APBB2: variants seen among roughly 807,000 people sequenced by gnomAD.
The protein encoded by APBB2 is amyloid beta precursor protein binding family B member 2, also known as Fe65-like 1.
In APBB2, 38 loss-of-function variants were observed where a neutral mutation model predicts 82.5. That is an observed-to-expected ratio of 0.46 (90% confidence interval 0.36 to 0.60). The LOEUF (loss-of-function observed/expected upper bound fraction) is 0.60, where lower values mean the gene tolerates loss of function less well. APBB2 is among the 20% of genes least tolerant of loss of function. The probability of loss-of-function intolerance (pLI) is 0.00; values close to 1 mark genes in which losing one functional copy is unlikely to be tolerated. For synonymous variants in APBB2, 341 were observed against 368.2 expected, an observed-to-expected ratio of 0.93 and a Z score of 0.85; for missense variants, 772 against 972.3, an observed-to-expected ratio of 0.79 and a Z score of 2.74.
chr4:41,039,476 A>C (rs1720516103), intron 4 of APBB2, among the ~76,000 whole-genome samples: 1 of 152,230 alleles, frequency 6.6e-6, no homozygotes, highest in Admixed American at 6.5e-5. Flanking sequence ...TGTGGTAACC[A>C]TCGATCTGAC....
intron 3 of APBB2, among the ~76,000 whole-genome samples, chr4:41,096,437 C>T (rs553646566): frequency 6.6e-6 from 1 of 152,194 alleles, no homozygotes; most frequent in East Asian, 1.9e-4. Context: ...GGGCAAAATA[C>T]CAAGAAATCT....
At chr4:40,890,589 G>A in intron 11 of APBB2, 98 bp from the exon 12 acceptor site, 2 of 1,513,914 alleles carry the variant, frequency 1.3e-6, no homozygotes, top group Non-Finnish European at 1.8e-6. Context: ...ACCATCAGAA[G>A]AAGCCACCCT....
intron 10 of APBB2, among the ~76,000 whole-genome samples, chr4:40,920,567 C>T (rs1045454722): frequency 6.6e-6 from 1 of 152,176 alleles, no homozygotes; most frequent in African/African-American, 2.4e-5. Context: ...CAAATGCAGG[C>T]TTTAAAGGGC....
chr4:40,923,254 C>T (rs1035384685), intron 10 of APBB2, among the ~76,000 whole-genome samples: 5 of 152,244 alleles, frequency 3.3e-5, no homozygotes, highest in Non-Finnish European at 7.3e-5. Flanking sequence ...GGATTACAGG[C>T]GTGAGCCACG....
intron 1 of APBB2, among the ~76,000 whole-genome samples, chr4:41,202,724 G>A (rs1447025604): frequency 6.6e-6 from 1 of 152,128 alleles, no homozygotes; most frequent in Non-Finnish European, 1.5e-5. Context: ...CAATACTAAC[G>A]TAAAATAAAT....
chr4:40,846,642 A>G (rs902331018), intron 12 of APBB2, among the ~76,000 whole-genome samples: 17 of 152,180 alleles, frequency 1.1e-4, no homozygotes, highest in African/African-American at 4.1e-4. Context: ...CTCCCACCTC[A>G]CTGTCCTGCC....
At chr4:41,124,731 T>C (rs534802492) in intron 2 of APBB2, among the ~76,000 whole-genome samples, 20 of 152,338 alleles carry the variant, frequency 1.3e-4, no homozygotes, top group African/African-American at 3.6e-4. Flanking sequence ...TTTGTTATAA[T>C]TGGCTGGAAA....
At position 40,895,039 on chromosome 4, in the gene APBB2, G is replaced by A. The variant is rs145117562; in HGVS notation, c.1255-1628C>T. The stretch of plus-strand genomic sequence containing the variant: ...AGAACAGCTTGTAAAGTTTCCAAAT[G>A]TGAGCTTCATAACCAAATGAATGAA... On this transcript the variant is annotated intron_variant, in intron 10 of 17. Coordinates refer to ENST00000508593, the MANE Select transcript of APBB2 (RefSeq NM_004307.2). 1.2e-3 allele frequency among the ~76,000 whole-genome samples: 180 copies of A among 152,282 alleles called. 1 individual carries two copies. The highest frequency in any genetic ancestry group is 2.4e-3 in the Admixed American group (36 of 15,292).
In APBB2 at chr4:41,149,461, G is replaced by T. The variant is rs1297121816; in HGVS notation, c.-416-6319C>A. On this transcript the variant is annotated intron_variant, in intron 1 of 17. Coordinates refer to ENST00000508593, the MANE Select transcript of APBB2 (RefSeq NM_004307.2). Reference sequence around the variant, plus strand: ...AAAAAATTCAATATGGGATGCAGGGGAAAGGGCTGAGGAAAGGGGGGAGAA... The same window carrying T: ...AAAAAATTCAATATGGGATGCAGGGTAAAGGGCTGAGGAAAGGGGGGAGAA... 2.6e-5 allele frequency among the ~76,000 whole-genome samples: 4 copies of T among 152,030 alleles called. No individual in the cohort carries two copies. In the East Asian group the frequency reaches 7.7e-4, roughly 29 times the overall value.
intron 6 of APBB2, among the ~76,000 whole-genome samples, chr4:40,974,684 C>A (rs368642764): frequency 6.6e-6 from 1 of 152,152 alleles, no homozygotes; most frequent in South Asian, 2.1e-4. Flanking sequence ...GAGAAGTAAA[C>A]CTCTTTAATC....
intron 1 of APBB2, among the ~76,000 whole-genome samples, chr4:41,192,220 A>T (rs1031082446): frequency 3.3e-5 from 5 of 152,244 alleles, no homozygotes; most frequent in Non-Finnish European, 7.3e-5. Context: ...CATTATGGAA[A>T]ACAGTATGGA....
At chr4:40,867,846 C>G (rs888624775) in intron 12 of APBB2, among the ~76,000 whole-genome samples, 1 of 143,706 alleles carries the variant, frequency 7.0e-6, no homozygotes, top group African/African-American at 2.6e-5. Context: ...GGACCTAAAG[C>G]TTAGACAATT....
rs570780744 is a variant in APBB2, at chr4:41,126,216, CAAAAAAA to C, written c.-261+16764_-261+16770del. On this transcript the variant is annotated intron_variant, in intron 2 of 17. Transcript: ENST00000508593. ...GCAACATAGTGAGATCGTGTCTCTA[CAAAAAAA>C]AAAAAAAAAAATTAGCTGGGCATGG... Among the ~76,000 whole-genome samples, 23 of 59,468 alleles carry C rather than the reference CAAAAAAA, an allele frequency of 3.9e-4. 1 individual carries two copies. The South Asian group carries it at 6.7e-3, about 17-fold the overall frequency. 39.0% of individuals were successfully genotyped at this position (59,468 alleles called of 152,430 possible).
chr4:40,914,372 C>CA (rs1391698352), intron 10 of APBB2, among the ~76,000 whole-genome samples: 1 of 151,514 alleles, frequency 6.6e-6, no homozygotes, highest in African/African-American at 2.4e-5. Flanking sequence ...GACTCCATCT[C>CA]AAAAAAATCA....
intron 12 of APBB2, among the ~76,000 whole-genome samples, chr4:40,885,190 AT>A (rs1414075158): frequency 1.3e-5 from 2 of 152,222 alleles, no homozygotes; most frequent in African/African-American, 4.8e-5. Context: ...GGCATGATAA[AT>A]CTAAGTCCTG....
chr4:41,106,150 T>C (rs777019030), intron 2 of APBB2, among the ~76,000 whole-genome samples: 4 of 152,162 alleles, frequency 2.6e-5, no homozygotes, highest in Non-Finnish European at 5.9e-5. Context: ...TTACCATTAA[T>C]GGATATAAAA....
At chr4:41,102,013 C>A in intron 2 of APBB2, among the ~76,000 whole-genome samples, 1 of 150,908 alleles carries the variant, frequency 6.6e-6, no homozygotes, top group Admixed American at 6.6e-5. Flanking sequence ...AACAATCGTG[C>A]AAATGGATTC....
intron 6 of APBB2, among the ~76,000 whole-genome samples, chr4:41,012,796 G>T (rs1198999130): frequency 6.6e-6 from 1 of 152,142 alleles, no homozygotes. Context: ...GCTGAATTCA[G>T]ATACAATAAG....
chr4:41,193,658 A>T, intron 1 of APBB2: 1 of 648,602 alleles, frequency 1.5e-6, no homozygotes, highest in Non-Finnish European at 1.9e-6. Context: ...CCCAGGACCC[A>T]GTTGGATACA....
Sources: allele counts gnomAD v4.1 joint callset (sites outside exome capture counted in the v4.1 genomes callset), GRCh38; gene constraint gnomAD v4.1.1; transcripts MANE v1.5; gene names NCBI Gene and HGNC (gene_info 2026-07-23, HGNC 2026-07-21).